HDAC9: variants seen among roughly 807,000 people sequenced by gnomAD.
HDAC9 encodes histone deacetylase 9.
Under a neutral mutation model 139.4 loss-of-function variants are expected in HDAC9, and 41 were observed. That is an observed-to-expected ratio of 0.29 (90% CI 0.23 to 0.38). The LOEUF (loss-of-function observed/expected upper bound fraction) is 0.38, where lower values mean the gene tolerates loss of function less well. Ranked by LOEUF, HDAC9 falls within the 10% of genes least tolerant of loss-of-function variation. The pLI is 1.00. For missense variants in HDAC9, 1,147 were observed against 1,297.0 expected (o/e 0.88, Z 1.78); for synonymous variants, 517 against 476.2 (o/e 1.09, Z -1.12).
intron 1 of HDAC9, among the ~76,000 whole-genome samples, chr7:18,126,571 G>A (rs1784685364): frequency 6.6e-6 from 1 of 152,182 alleles, no homozygotes; most frequent in South Asian, 2.1e-4. Flanking sequence ...GTCACCATCT[G>A]TAAACACATC....
intron 1 of HDAC9, among the ~76,000 whole-genome samples, chr7:18,485,116 G>T (rs1312740688): frequency 6.6e-6 from 1 of 152,094 alleles, no homozygotes; most frequent in Non-Finnish European, 1.5e-5. Flanking sequence ...AACATTAGTT[G>T]GGGGGAACAC....
chr7:18,977,820 G>C (rs568540835), intron 25 of HDAC9, among the ~76,000 whole-genome samples: 1 of 151,878 alleles, frequency 6.6e-6, no homozygotes, highest in East Asian at 1.9e-4. Flanking sequence ...GCTTTGAACT[G>C]AACTCCCTTT....
intron 1 of HDAC9, among the ~76,000 whole-genome samples, chr7:18,135,277 G>A (rs528333770): frequency 6.7e-6 from 1 of 148,942 alleles, no homozygotes; most frequent in Non-Finnish European, 1.5e-5. Context: ...TTTTTAAAAA[G>A]GTAGTATTTA....
At chr7:18,137,679 T>G (rs1479014510) in intron 1 of HDAC9, among the ~76,000 whole-genome samples, 1 of 151,390 alleles carries the variant, frequency 6.6e-6, no homozygotes. Context: ...TGGATAAGCT[T>G]TTTGATGTGC....
At chr7:18,305,927 A>G (rs1337227699) in intron 1 of HDAC9, among the ~76,000 whole-genome samples, 1 of 152,128 alleles carries the variant, frequency 6.6e-6, no homozygotes, top group Non-Finnish European at 1.5e-5. Flanking sequence ...CTGAGCCAAG[A>G]TGAGTGAGCT....
At chr7:18,238,664 G>A (rs1249210821) in intron 2 of HDAC9, among the ~76,000 whole-genome samples, 1 of 152,138 alleles carries the variant, frequency 6.6e-6, no homozygotes, top group Non-Finnish European at 1.5e-5. Flanking sequence ...GGCTGATTGA[G>A]GGCAGAAGAA....
At chr7:18,807,330 C>CT (rs1254915942) in intron 17 of HDAC9, among the ~76,000 whole-genome samples, 2 of 152,022 alleles carry the variant, frequency 1.3e-5, no homozygotes, top group Non-Finnish European at 2.9e-5. Context: ...AGTCTGATAT[C>CT]TTTTTTTATT....
intron 1 of HDAC9, among the ~76,000 whole-genome samples, chr7:18,149,800 C>T (rs529726586): frequency 6.8e-4 from 103 of 152,098 alleles, no homozygotes; most frequent in African/African-American, 1.4e-3. Context: ...GTGATCTGCC[C>T]GCCTTGGCCT....
intron 22 of HDAC9, among the ~76,000 whole-genome samples, chr7:18,902,087 T>A (rs756781658): frequency 7.0e-4 from 106 of 152,246 alleles, no homozygotes; most frequent in Non-Finnish European, 1.0e-3. Flanking sequence ...CAACTGTTGC[T>A]GGAGGCTGAA....
rs150299962 is a variant in HDAC9 at position 18,138,295 on chromosome 7, A to G, written c.-96-23934A>G. Among the ~76,000 whole-genome samples, 9 of 152,170 alleles carry G rather than the reference A, an allele frequency of 5.9e-5. No individual in the cohort carries two copies. In the East Asian group the frequency reaches 7.7e-4, roughly 13 times the overall value. On this transcript the variant is annotated intron_variant, in intron 1 of 12. Coordinates refer to the HDAC9 transcript ENST00000417496. Reference sequence around the variant, plus strand: ...TCTTTGTAAGGGTTCTAAGGAGACCATGAGCCCTGATCTATTAATACCTGT... The same window carrying G: ...TCTTTGTAAGGGTTCTAAGGAGACCGTGAGCCCTGATCTATTAATACCTGT...
intron 13 of HDAC9, among the ~76,000 whole-genome samples, chr7:18,728,517 T>C (rs1290535291): frequency 2.0e-5 from 3 of 152,136 alleles, no homozygotes; most frequent in East Asian, 1.9e-4. Context: ...TCTTTTTGTG[T>C]ACTCTACTCC....
At chr7:18,614,285 C>T (rs1242487895) in intron 6 of HDAC9, among the ~76,000 whole-genome samples, 1 of 152,072 alleles carries the variant, frequency 6.6e-6, no homozygotes, top group African/African-American at 2.4e-5. Flanking sequence ...TGGAAGTTGA[C>T]CCTCCAATCC....
chr7:18,392,313 T>TCACACACACACA (rs772738821), intron 1 of HDAC9, among the ~76,000 whole-genome samples: 16 of 111,194 alleles, frequency 1.4e-4, no homozygotes, highest in African/African-American at 5.4e-4. Flanking sequence ...TCTCTCTCTC[T>TCACACACACACA]CTCACACACA....
intron 1 of HDAC9, among the ~76,000 whole-genome samples, chr7:18,310,593 C>A (rs1799242204): frequency 6.6e-6 from 1 of 152,118 alleles, no homozygotes; most frequent in South Asian, 2.1e-4. Context: ...CTGATACTCG[C>A]ACTGTGCACA....
intron 22 of HDAC9, among the ~76,000 whole-genome samples, chr7:18,889,214 A>G (rs1006310997): frequency 3.3e-5 from 5 of 152,128 alleles, no homozygotes; most frequent in Non-Finnish European, 7.4e-5. Context: ...AAAAGATCCT[A>G]TTCAAAGGAT....
intron 21 of HDAC9, among the ~76,000 whole-genome samples, chr7:18,855,272 C>T (rs34790980): frequency 0.011 from 1,716 of 152,194 alleles, 14 homozygotes; most frequent in Non-Finnish European, 0.014. Flanking sequence ...AAAGATCTAT[C>T]GTGACCTAGC....
chr7:18,185,412 T>C (rs1789828490), intron 2 of HDAC9, among the ~76,000 whole-genome samples: 1 of 152,132 alleles, frequency 6.6e-6, no homozygotes, highest in Non-Finnish European at 1.5e-5. Context: ...AAAGCAAGCA[T>C]CAGGAAAGCA....
intron 1 of HDAC9, among the ~76,000 whole-genome samples, chr7:18,135,716 G>A (rs1322352201): frequency 6.9e-6 from 1 of 145,234 alleles, no homozygotes; most frequent in African/African-American, 2.6e-5. Context: ...TGGACATTTG[G>A]GTTGGTTCCA....
chr7:18,387,951 A>G (rs1786096683), intron 1 of HDAC9, among the ~76,000 whole-genome samples: 1 of 152,004 alleles, frequency 6.6e-6, no homozygotes, highest in Non-Finnish European at 1.5e-5. Flanking sequence ...GAGAAAAAAA[A>G]AAGAAAAAAG....
Sources: allele counts gnomAD v4.1 joint callset (sites outside exome capture counted in the v4.1 genomes callset), GRCh38; gene constraint gnomAD v4.1.1; transcripts MANE v1.5; gene names NCBI Gene and HGNC (gene_info 2026-07-23, HGNC 2026-07-21).